REDIC1: variants seen among roughly 807,000 people sequenced by gnomAD.
REDIC1 encodes regulator of DNA class I crossover intermediates 1, also known as HEI10 Interacting Protein 1.
chr12:39,641,613 C>A, the REDIC1 span, among the ~76,000 whole-genome samples: 1 of 151,580 alleles, frequency 6.6e-6, no homozygotes, highest in Non-Finnish European at 1.5e-5. Flanking sequence ...AATAGCATAG[C>A]AGTGCAAATG....
chr12:39,808,991 GT>G, the REDIC1 span, among the ~76,000 whole-genome samples: 5 of 151,978 alleles, frequency 3.3e-5, no homozygotes, highest in Non-Finnish European at 7.4e-5. Context: ...TTACCCTGAT[GT>G]CGCAAAGATT....
chr12:39,834,532 T>C, the REDIC1 span, among the ~76,000 whole-genome samples: 2 of 152,106 alleles, frequency 1.3e-5, no homozygotes, highest in Non-Finnish European at 2.9e-5. Flanking sequence ...CGTAAAGCCT[T>C]TCTTTTATTA....
the REDIC1 span, among the ~76,000 whole-genome samples, chr12:39,883,430 CAAACT>C: frequency 6.6e-6 from 1 of 152,288 alleles, no homozygotes; most frequent in East Asian, 1.9e-4. Flanking sequence ...AACAATGATA[CAAACT>C]AGTCTTTTCT....
At chr12:39,713,095 A>G in the REDIC1 span, among the ~76,000 whole-genome samples, 1 of 147,620 alleles carries the variant, frequency 6.8e-6, no homozygotes, top group Non-Finnish European at 1.5e-5. Context: ...ATGTGTAGAT[A>G]TGTGCATATA....
chr12:39,691,975 G>A, the REDIC1 span: 2 of 1,291,944 alleles, frequency 1.5e-6, no homozygotes, highest in South Asian at 1.6e-5. Context: ...TGAATTGGTA[G>A]TGTAAATAAG....
At chr12:39,803,452 A>C in the REDIC1 span, among the ~76,000 whole-genome samples, 3 of 152,350 alleles carry the variant, frequency 2.0e-5, no homozygotes, top group South Asian at 6.2e-4. Flanking sequence ...AAGCATGAGT[A>C]TAATTATTTA....
the REDIC1 span, among the ~76,000 whole-genome samples, chr12:39,895,878 GTATATGCGTGTATATGCAC>G: frequency 1.2e-5 from 1 of 84,870 alleles, no homozygotes; most frequent in African/African-American, 4.3e-5. Flanking sequence ...ACACACATAT[GTATATGCGTGTATATGCAC>G]ACACATATGT....
At chr12:39,898,634 G>C in the REDIC1 span, among the ~76,000 whole-genome samples, 1 of 152,084 alleles carries the variant, frequency 6.6e-6, no homozygotes, top group Non-Finnish European at 1.5e-5. Context: ...AAGTTAGCCT[G>C]ATACTCACAC....
chr12:39,841,257 GT>G, the REDIC1 span, among the ~76,000 whole-genome samples: 1 of 152,092 alleles, frequency 6.6e-6, no homozygotes, highest in African/African-American at 2.4e-5. Flanking sequence ...AGCCAGAATG[GT>G]TTTTCTTTGC....
chr12:39,851,446 T>C, the REDIC1 span, among the ~76,000 whole-genome samples: 1 of 152,210 alleles, frequency 6.6e-6, no homozygotes, highest in East Asian at 1.9e-4. Flanking sequence ...TGATAATTAT[T>C]AAAAATGAGC....
chr12:39,726,668 G>A, the REDIC1 span, among the ~76,000 whole-genome samples: 1 of 152,048 alleles, frequency 6.6e-6, no homozygotes, highest in Non-Finnish European at 1.5e-5. Context: ...TAATCCTTTG[G>A]GTATATACCC....
At chr12:39,808,835 T>C in the REDIC1 span, among the ~76,000 whole-genome samples, 5 of 152,308 alleles carry the variant, frequency 3.3e-5, no homozygotes, top group East Asian at 9.6e-4. Flanking sequence ...GATATACTTA[T>C]TGTAAATAAT....
At chr12:39,647,801 A>G in the REDIC1 span, 1 of 1,561,072 alleles carries the variant, frequency 6.4e-7, no homozygotes, top group Non-Finnish European at 8.6e-7. Context: ...GTCACAAGGC[A>G]TGGACTCATA....
chr12:39,861,967 A>G, the REDIC1 span, among the ~76,000 whole-genome samples: 1 of 152,162 alleles, frequency 6.6e-6, no homozygotes, highest in African/African-American at 2.4e-5. Context: ...GCACCTATCA[A>G]CCCATCACCT....
At chr12:39,693,231 T>C in the REDIC1 span, among the ~76,000 whole-genome samples, 1 of 152,144 alleles carries the variant, frequency 6.6e-6, no homozygotes, top group Non-Finnish European at 1.5e-5. Context: ...TACTGTCTTT[T>C]TACAGACAAA....
chr12:39,843,534 A>T, the REDIC1 span, among the ~76,000 whole-genome samples: 1 of 152,134 alleles, frequency 6.6e-6, no homozygotes, highest in Non-Finnish European at 1.5e-5. Flanking sequence ...ATTTCAAGGT[A>T]GATAGAGAAT....
the REDIC1 span, among the ~76,000 whole-genome samples, chr12:39,681,476 TAAAA>T: frequency 6.6e-6 from 1 of 152,082 alleles, no homozygotes; most frequent in Non-Finnish European, 1.5e-5. Context: ...GAAAGAATAA[TAAAA>T]AAAGATTTAC....
chr12:39,784,291 A>G, the REDIC1 span, among the ~76,000 whole-genome samples: 1 of 152,188 alleles, frequency 6.6e-6, no homozygotes, highest in Non-Finnish European at 1.5e-5. Context: ...AAAAGAACAA[A>G]GCTGGAGGCA....
chr12:39,842,999 A>G, the REDIC1 span, among the ~76,000 whole-genome samples: 105 of 151,972 alleles, frequency 6.9e-4, no homozygotes, highest in African/African-American at 2.5e-3. Flanking sequence ...CACTTCATGT[A>G]TCTATTTGTC....
Sources: allele counts gnomAD v4.1 joint callset (sites outside exome capture counted in the v4.1 genomes callset), GRCh38; gene constraint gnomAD v4.1.1; transcripts MANE v1.5; gene names NCBI Gene and HGNC (gene_info 2026-07-23, HGNC 2026-07-21).